The following CNTNAP2 variants were observed in gnomAD, a reference collection of about 807,000 sequenced individuals.
CNTNAP2 encodes contactin-associated protein-like 2.
In CNTNAP2, 98 loss-of-function variants were observed where a neutral mutation model predicts 155.2. The observed-to-expected ratio is 0.63, with a 90% CI of 0.54 to 0.75. The LOEUF (loss-of-function observed/expected upper bound fraction) is 0.75, where lower values mean the gene tolerates loss of function less well. Ranked by LOEUF, CNTNAP2 falls within the 30% of genes least tolerant of loss-of-function variation. The pLI, the probability that CNTNAP2 is intolerant of heterozygous loss-of-function variation, is 0.00. For synonymous variants in CNTNAP2, 651 were observed against 631.2 expected (o/e 1.03, Z -0.47); for missense variants, 1,727 against 1,688.1 (o/e 1.02, Z -0.40).
chr7:147,226,524 A>G (rs1433343329), intron 8 of CNTNAP2, among the ~76,000 whole-genome samples: 1 of 140,734 alleles, frequency 7.1e-6, no homozygotes, highest in Non-Finnish European at 1.5e-5. Flanking sequence ...TTGGGAGCCA[A>G]GAAAAGAAGC....
At chr7:147,231,112 T>C (rs1803671517) in intron 8 of CNTNAP2, among the ~76,000 whole-genome samples, 1 of 152,192 alleles carries the variant, frequency 6.6e-6, no homozygotes, top group Non-Finnish European at 1.5e-5. Flanking sequence ...TCAGCTCTCC[T>C]GAGAACGCAC....
At chr7:147,328,077 G>T (rs982276542) in intron 9 of CNTNAP2, among the ~76,000 whole-genome samples, 1 of 152,090 alleles carries the variant, frequency 6.6e-6, no homozygotes, top group Non-Finnish European at 1.5e-5. Flanking sequence ...GGTAAGTTGG[G>T]ACAAAAATAA....
intron 1 of CNTNAP2, among the ~76,000 whole-genome samples, chr7:146,453,720 G>A (rs192016880): frequency 1.9e-4 from 29 of 152,126 alleles, no homozygotes; most frequent in South Asian, 8.3e-4. Context: ...ATGAAAATTA[G>A]AGGTACAGAA....
intron 1 of CNTNAP2, among the ~76,000 whole-genome samples, chr7:146,502,007 C>G (rs1190772738): frequency 6.6e-6 from 1 of 151,780 alleles, no homozygotes; most frequent in Admixed American, 6.6e-5. Context: ...TCTCTTTGCC[C>G]TATCCTTCCG....
intron 9 of CNTNAP2, among the ~76,000 whole-genome samples, chr7:147,345,218 G>A (rs1321838390): frequency 6.6e-6 from 1 of 151,988 alleles, no homozygotes; most frequent in Non-Finnish European, 1.5e-5. Context: ...TGAGTGGGTG[G>A]CATGTTAAAC....
rs571245507 is a variant in CNTNAP2, at chr7:147,871,805, A to G, written c.2099-31760A>G. ...TCGTGGCCGAATAGTTCGGGAATTT[A>G]TTTTGCACAATTTGCACAGGCCAGC... is the stretch of plus-strand genomic sequence containing the variant. On this transcript the variant is annotated intron_variant, in intron 13 of 23. Coordinates refer to ENST00000361727, the MANE Select transcript of CNTNAP2 (RefSeq NM_014141.6). 5.9e-5 allele frequency among the ~76,000 whole-genome samples: 9 copies of G among 151,688 alleles called. 1 individual carries two copies. In the South Asian group the frequency reaches 1.7e-3, roughly 28 times the overall value.
intron 1 of CNTNAP2, among the ~76,000 whole-genome samples, chr7:146,258,574 TGTGTA>T: frequency 6.6e-6 from 1 of 152,216 alleles, no homozygotes; most frequent in Admixed American, 6.5e-5. Flanking sequence ...TGAAGAAAGA[TGTGTA>T]CCCATATAGT....
chr7:147,091,633 T>C (rs1195223677), intron 4 of CNTNAP2, among the ~76,000 whole-genome samples: 10 of 147,806 alleles, frequency 6.8e-5, no homozygotes, highest in Admixed American at 6.7e-4. Context: ...TTTTTTTTTT[T>C]CTTGCTCTGT....
At chr7:147,427,783 G>T (rs1197663263) in intron 10 of CNTNAP2, among the ~76,000 whole-genome samples, 1 of 152,002 alleles carries the variant, frequency 6.6e-6, no homozygotes, top group Non-Finnish European at 1.5e-5. Context: ...TTTCCAAGAG[G>T]GCTCCAGGCA....
chr7:146,483,207 C>T (rs1450991053), intron 1 of CNTNAP2, among the ~76,000 whole-genome samples: 1 of 144,848 alleles, frequency 6.9e-6, no homozygotes, highest in Non-Finnish European at 1.5e-5. Flanking sequence ...ACCTGGGAGG[C>T]GGAACTTGCA....
At chr7:147,812,151 G>C (rs1209150110) in intron 13 of CNTNAP2, among the ~76,000 whole-genome samples, 1 of 152,072 alleles carries the variant, frequency 6.6e-6, no homozygotes, top group Non-Finnish European at 1.5e-5. Context: ...GACTATGTGG[G>C]GGAAGAACAT....
chr7:148,175,651 C>T (rs1794921452), intron 18 of CNTNAP2, among the ~76,000 whole-genome samples: 1 of 152,154 alleles, frequency 6.6e-6, no homozygotes, highest in South Asian at 2.1e-4. Flanking sequence ...TAGTATCACA[C>T]TCAGCTATGT....
chr7:146,920,122 G>A (rs987934809), intron 3 of CNTNAP2, among the ~76,000 whole-genome samples: 13 of 152,158 alleles, frequency 8.5e-5, no homozygotes, highest in African/African-American at 3.1e-4. Flanking sequence ...CCATAAAAAT[G>A]TGAAATACTG....
intron 21 of CNTNAP2, among the ~76,000 whole-genome samples, chr7:148,296,461 T>G (rs1797286416): frequency 6.9e-6 from 1 of 143,932 alleles, no homozygotes; most frequent in Non-Finnish European, 1.5e-5. Flanking sequence ...GCATGAGAAT[T>G]GCTTGCACCC....
intron 21 of CNTNAP2, among the ~76,000 whole-genome samples, chr7:148,331,702 A>G (rs1798020545): frequency 2.3e-4 from 35 of 151,308 alleles, no homozygotes; most frequent in Non-Finnish European, 3.0e-4. Context: ...GATGGAGTGG[A>G]TGGATGGAGT....
intron 11 of CNTNAP2, among the ~76,000 whole-genome samples, chr7:147,554,493 A>G (rs1342265109): frequency 1.3e-5 from 2 of 152,172 alleles, no homozygotes; most frequent in Non-Finnish European, 2.9e-5. Flanking sequence ...TGAAATAATA[A>G]ATGTAGATAT....
intron 9 of CNTNAP2, among the ~76,000 whole-genome samples, chr7:147,338,188 A>T (rs768967245): frequency 3.9e-5 from 6 of 152,136 alleles, no homozygotes; most frequent in Non-Finnish European, 8.8e-5. Context: ...GTGGAAGGAG[A>T]GAGAGAATGA....
intron 1 of CNTNAP2, among the ~76,000 whole-genome samples, chr7:146,666,638 C>T (rs1800200182): frequency 6.6e-6 from 1 of 152,162 alleles, no homozygotes. Context: ...GTTCTGTTTT[C>T]TCCACATCCT....
rs75915866 is a variant in CNTNAP2 at position 147,787,031 on chromosome 7, A to G, written c.2099-116534A>G. ...AAAAAGAGAGAGAGAGAGAGAAGAC[A>G]AGACAAGACAAGACAGTAGAAAGAT... On this transcript the variant is annotated intron_variant, in intron 13 of 23. Coordinates refer to ENST00000361727, the MANE Select transcript of CNTNAP2 (RefSeq NM_014141.6). 1.8e-3 allele frequency among the ~76,000 whole-genome samples: 269 copies of G among 152,072 alleles called. 5 individuals are homozygous for G. In the East Asian group the frequency reaches 0.041, roughly 23 times the overall value.
Sources: allele counts gnomAD v4.1 joint callset (sites outside exome capture counted in the v4.1 genomes callset), GRCh38; gene constraint gnomAD v4.1.1; transcripts MANE v1.5; gene names NCBI Gene and HGNC (gene_info 2026-07-23, HGNC 2026-07-21).